Variants in LAMA2 observed in about 807,000 individuals in gnomAD.
LAMA2 encodes the protein laminin subunit alpha 2.
LAMA2 carries 269 observed loss-of-function variants against 364.8 expected under a neutral mutation model. The observed-to-expected ratio is 0.74, with a 90% CI of 0.67 to 0.82. The LOEUF (loss-of-function observed/expected upper bound fraction) is 0.82. LAMA2 is among the 40% of genes least tolerant of loss of function. The probability of loss-of-function intolerance (pLI) is 0.00; values close to 1 mark genes in which losing one functional copy is unlikely to be tolerated. For missense variants in LAMA2, 3,807 were observed against 3,873.2 expected, an observed-to-expected ratio of 0.98 and a Z score of 0.45; for synonymous variants, 1,379 against 1,370.6, an observed-to-expected ratio of 1.01 and a Z score of -0.14.
intron 1 of LAMA2, among the ~76,000 whole-genome samples, chr6:128,966,301 T>C (rs993751360): frequency 1.3e-5 from 2 of 152,040 alleles, no homozygotes; most frequent in Admixed American, 1.3e-4. Flanking sequence ...GTGTTTCATG[T>C]TTGTATAAAT....
intron 1 of LAMA2, among the ~76,000 whole-genome samples, chr6:128,922,367 C>T (rs1778795568): frequency 6.6e-6 from 1 of 151,740 alleles, no homozygotes; most frequent in Non-Finnish European, 1.5e-5. Flanking sequence ...TCTCCAGCCC[C>T]TGTTGTTTCC....
At chr6:129,158,267 A>C in intron 8 of LAMA2, 1 of 1,614,138 alleles carries the variant, frequency 6.2e-7, no homozygotes, top group Middle Eastern at 1.7e-4. Context: ...GTATGTTTTC[A>C]TGGCGCATTA....
intron 12 of LAMA2, among the ~76,000 whole-genome samples, chr6:129,209,823 G>T (rs1486083823): frequency 6.6e-6 from 1 of 151,802 alleles, no homozygotes; most frequent in East Asian, 1.9e-4. Flanking sequence ...CTAACACGAT[G>T]AAATCCCATC....
chr6:128,937,137 A>G (rs897643442), intron 1 of LAMA2, among the ~76,000 whole-genome samples: 2 of 152,226 alleles, frequency 1.3e-5, no homozygotes, highest in East Asian at 1.9e-4. Context: ...AAAGTGAAAC[A>G]AAGCATAAGT....
intron 1 of LAMA2, among the ~76,000 whole-genome samples, chr6:129,043,032 CAG>C (rs997315253): frequency 1.6e-4 from 24 of 152,186 alleles, no homozygotes; most frequent in African/African-American, 4.8e-4. Flanking sequence ...ATGTACCTAA[CAG>C]GGGAAAATTT....
At chr6:128,927,798 T>A (rs1383080997) in intron 1 of LAMA2, among the ~76,000 whole-genome samples, 2 of 152,236 alleles carry the variant, frequency 1.3e-5, no homozygotes, top group African/African-American at 4.8e-5. Flanking sequence ...TAAACACTTA[T>A]TCCAGTTTCA....
At chr6:129,505,072 C>T (rs967736873) in intron 60 of LAMA2, 128 bp from the exon 61 acceptor site, 21 of 798,122 alleles carry the variant, frequency 2.6e-5, no homozygotes, top group Non-Finnish European at 4.0e-5. Flanking sequence ...ATGGGCTTAG[C>T]GCATACTAAG....
At position 128,917,179 on chromosome 6, in the gene LAMA2, A is replaced by ATT. The variant is rs1562827210; in HGVS notation, c.112+33822_112+33823insTT. ...AACATGAAATTGAAGCCTTTTTTAAAAAAAAAAAAAACTAATTACAGAATT... is the reference window on the plus strand; with the variant it reads ...AACATGAAATTGAAGCCTTTTTTAAATTAAAAAAAAAAACTAATTACAGAATT... On this transcript the variant is annotated intron_variant, in intron 1 of 64. Transcript: ENST00000421865. 7.8e-4 allele frequency among the ~76,000 whole-genome samples: 115 copies of ATT among 148,144 alleles called. 1 individual carries two copies. The highest frequency in any genetic ancestry group is 2.7e-3 in the African/African-American group (109 of 40,434).
chr6:129,245,161 G>C (rs916422217), intron 12 of LAMA2, among the ~76,000 whole-genome samples: 1 of 152,110 alleles, frequency 6.6e-6, no homozygotes, highest in African/African-American at 2.4e-5. Context: ...TGGAGAAAGA[G>C]GGAAAAGGCC....
intron 49 of LAMA2, among the ~76,000 whole-genome samples, chr6:129,463,796 CT>C (rs372166099): frequency 3.3e-5 from 5 of 151,968 alleles, no homozygotes; most frequent in African/African-American, 1.2e-4. Context: ...CTTAGATGGT[CT>C]CATGAAATTT....
At chr6:128,972,637 A>G (rs1173394295) in intron 1 of LAMA2, among the ~76,000 whole-genome samples, 3 of 152,144 alleles carry the variant, frequency 2.0e-5, no homozygotes, top group Admixed American at 2.0e-4. Context: ...AATGCCAGGT[A>G]CTTTCATCTG....
intron 28 of LAMA2, among the ~76,000 whole-genome samples, chr6:129,326,138 C>G (rs998412294): frequency 1.3e-5 from 2 of 152,200 alleles, no homozygotes; most frequent in African/African-American, 2.4e-5. Flanking sequence ...CCATGTCTCG[C>G]CTTTTCCATG....
At chr6:129,227,220 G>A (rs1008169143) in intron 12 of LAMA2, among the ~76,000 whole-genome samples, 1 of 152,036 alleles carries the variant, frequency 6.6e-6, no homozygotes, top group Admixed American at 6.6e-5. Flanking sequence ...GTTATTCTAG[G>A]TAGCCATTTG....
At chr6:128,883,486 G>A (rs1775939832) in intron 1 of LAMA2, 129 bp downstream of exon 1, 7 of 1,467,132 alleles carry the variant, frequency 4.8e-6, no homozygotes, top group South Asian at 1.2e-5. Context: ...GCGCTCTGGG[G>A]CAAGAGGAAC....
At chr6:129,064,027 C>A (rs1789117918) in intron 3 of LAMA2, among the ~76,000 whole-genome samples, 1 of 152,016 alleles carries the variant, frequency 6.6e-6, no homozygotes, top group Non-Finnish European at 1.5e-5. Flanking sequence ...AATTTTCAGT[C>A]TTGAAGGAAG....
chr6:129,164,375 G>A lies in LAMA2; in HGVS notation c.1207-1201G>A, dbSNP rs141056953. Among the ~76,000 whole-genome samples the A allele has an allele frequency of 8.2e-4, 125 of 152,144 alleles. 2 individuals are homozygous for A. Among genetic ancestry groups the A allele is most frequent in the East Asian group, 2.3e-3 (12 of 5,184 alleles). On this transcript the variant is annotated intron_variant, in intron 8 of 64. Coordinates refer to ENST00000421865, the MANE Select transcript of LAMA2 (RefSeq NM_000426.4). Reference sequence around the variant, plus strand: ...CTGGAGTTTTCCATTTAATATTTTCGAACTGTGGTTAACCATGATAACTGA... The same window carrying A: ...CTGGAGTTTTCCATTTAATATTTTCAAACTGTGGTTAACCATGATAACTGA...
At chr6:129,389,225 G>T (rs1465121006) in intron 35 of LAMA2, among the ~76,000 whole-genome samples, 1 of 152,174 alleles carries the variant, frequency 6.6e-6, no homozygotes, top group Non-Finnish European at 1.5e-5. Context: ...GGCCATATTT[G>T]TTCTTTAAGA....
chr6:129,223,102 A>G (rs1783990188), intron 12 of LAMA2, among the ~76,000 whole-genome samples: 5 of 152,176 alleles, frequency 3.3e-5, no homozygotes, highest in Admixed American at 3.3e-4. Flanking sequence ...AGTGATGATG[A>G]GCATTTTTTC....
At chr6:128,946,667 A>G (rs1375008170) in intron 1 of LAMA2, among the ~76,000 whole-genome samples, 1 of 152,234 alleles carries the variant, frequency 6.6e-6, no homozygotes, top group Non-Finnish European at 1.5e-5. Context: ...CTCTATTTAT[A>G]TAGTCAATAC....
Sources: allele counts gnomAD v4.1 joint callset (sites outside exome capture counted in the v4.1 genomes callset), GRCh38; gene constraint gnomAD v4.1.1; transcripts MANE v1.5; gene names NCBI Gene and HGNC (gene_info 2026-07-23, HGNC 2026-07-21).